The following GCAT variants were observed in gnomAD, a reference collection of about 807,000 sequenced individuals.
The protein encoded by GCAT is glycine C-acetyltransferase, also known as 2-amino-3-ketobutyrate coenzyme A ligase, mitochondrial.
In GCAT, 26 loss-of-function variants were observed where a neutral mutation model predicts 39.7. That is an observed-to-expected ratio of 0.65 (90% confidence interval 0.48 to 0.91). The LOEUF is 0.91. Ranked by LOEUF, GCAT falls within the 40% of genes least tolerant of loss-of-function variation. The pLI, the probability that GCAT is intolerant of heterozygous loss-of-function variation, is 0.00. For synonymous variants in GCAT, 218 were observed against 237.2 expected, an observed-to-expected ratio of 0.92 and a Z score of 0.74; for missense variants, 550 against 576.2, an observed-to-expected ratio of 0.95 and a Z score of 0.47.
At chr22:37,810,978 C>T (rs1921523692) in intron 2 of GCAT, among the ~76,000 whole-genome samples, 1 of 152,056 alleles carries the variant, frequency 6.6e-6, no homozygotes, top group South Asian at 2.1e-4. Context: ...CACACCTGAC[C>T]TTCTATAAGA....
In GCAT at chr22:37,815,750, C is replaced by G. The variant is rs1043427584; in HGVS notation, c.902C>G (p.Ala301Gly). ...PYLFSNSLPPAVVGCASKALD... is the reference protein window; with the variant it reads ...PYLFSNSLPPGVVGCASKALD... ...CTCTTCTCCAACAGTCTGCCACCTG[C>G]TGTCGTTGGCTGCGCCTCCAAGGCC... is the stretch of plus-strand genomic sequence containing the variant. The change falls in exon 7 of 9, where the codon GCT (alanine) becomes GGT (glycine). Residue 301 changes from alanine to glycine, a missense_variant. Physicochemically the swap from Ala to Gly is moderately conservative, Grantham distance 60 (BLOSUM62 0). This residue lies in a region of GCAT where 378 missense variants were observed against 390.4 expected (regional missense o/e 0.97). Coordinates refer to ENST00000248924, the MANE Select transcript of GCAT (RefSeq NM_014291.4). 6 of 1,613,588 alleles carry G rather than the reference C, an allele frequency of 3.7e-6. No homozygotes were observed. The African/African-American group carries it at 6.7e-5, about 18-fold the overall frequency.
Position 37,815,730 on chromosome 22 carries a change from C to T in GCAT, c.882C>T (p.Phe294=). 6.2e-7 allele frequency: 1 copy of T among 1,613,818 alleles called. No individual in the cohort carries two copies. Among genetic ancestry groups the T allele is most frequent in the Non-Finnish European group, 8.5e-7 (1 of 1,179,912 alleles). The change falls in exon 7 of 9, where the codon TTC becomes TTT. Residue 294 remains phenylalanine (F), a synonymous_variant. Coordinates refer to ENST00000248924, the MANE Select transcript of GCAT (RefSeq NM_014291.4). ...LLRQRARPYL[F]SNSLPPAVVG... ...GGCAGCGCGCCCGGCCATACCTCTT[C>T]TCCAACAGTCTGCCACCTGCTGTCG...
chr22:37,812,194 G>T (rs1207144664), intron 2 of GCAT, among the ~76,000 whole-genome samples: 2 of 151,906 alleles, frequency 1.3e-5, no homozygotes, highest in Non-Finnish European at 2.9e-5. Context: ...TTAATTAGCT[G>T]GGTGTGGTGG....
intron 1 of GCAT, among the ~76,000 whole-genome samples, chr22:37,809,288 G>A (rs1264706590): frequency 6.6e-6 from 1 of 152,180 alleles, no homozygotes; most frequent in Non-Finnish European, 1.5e-5. Flanking sequence ...GGTCAGCTGT[G>A]TTCACTCTGG....
Position 37,815,911 on chromosome 22 carries a change from C to G in GCAT, c.986+77C>G, listed in dbSNP as rs980340185. The G allele has an allele frequency of 1.3e-5, 20 of 1,543,240 alleles. No homozygotes were observed. In the African/African-American group the frequency reaches 1.8e-4, roughly 14 times the overall value. On this transcript the variant is annotated intron_variant, in intron 7 of 8. Transcript: ENST00000248924. ...AGCCTCATGTGTCTGCCCAGGCCCA[C>G]AGACAGCTCTGTGCCCACCGGGTCT... is the stretch of plus-strand genomic sequence containing the variant.
At chr22:37,813,091 G>A (rs961444796) in intron 3 of GCAT, 103 bp downstream of exon 3, 2 of 846,430 alleles carry the variant, frequency 2.4e-6, no homozygotes, top group East Asian at 2.5e-5. Flanking sequence ...TCAGTGCCAT[G>A]CCTAGAGGCT....
chr22:37,812,466 C>T (rs1423159684), intron 2 of GCAT, among the ~76,000 whole-genome samples: 1 of 152,158 alleles, frequency 6.6e-6, no homozygotes. Flanking sequence ...CAGTCACTTC[C>T]CAGCAAAGCC....
chr22:37,810,676 C>T (rs532673499), intron 2 of GCAT, among the ~76,000 whole-genome samples: 8 of 152,030 alleles, frequency 5.3e-5, no homozygotes, highest in Non-Finnish European at 8.8e-5. Context: ...CCACCACTCC[C>T]GGCTAATTTT....
At chr22:37,815,001 C>T in intron 4 of GCAT, 125 bp from the exon 5 acceptor site, 2 of 841,692 alleles carry the variant, frequency 2.4e-6, no homozygotes, top group Admixed American at 4.3e-5. Flanking sequence ...GATGGTGGTA[C>T]CTCTGTGCCC....
chr22:37,816,295 G>T lies in GCAT; in HGVS notation c.1082G>T (p.Arg361Leu), dbSNP rs113961840. The T allele has an allele frequency of 6.2e-7, 1 of 1,612,216 alleles. No homozygotes were observed. Residue 361 changes from arginine (R) to leucine (L), a missense_variant, in exon 8 of 9, where the codon CGC (arginine) becomes CTC (leucine). By Grantham distance (102) the Arg-to-Leu change is moderately radical (BLOSUM62 -2). Transcript: ENST00000248924. The stretch of plus-strand genomic sequence containing the variant: ...CTGGGTGATGCCCGGCTGGCCTCTC[G>T]CATGGCGGATGACATGCTGAAGAGA... ...VMLGDARLAS[R>L]MADDMLKRGI...
At chr22:37,809,900 T>C in intron 1 of GCAT, 127 bp from the exon 2 acceptor site, 1 of 1,230,466 alleles carries the variant, frequency 8.1e-7, no homozygotes, top group Non-Finnish European at 1.2e-6. Context: ...ATTTGGTGCC[T>C]CCTCAATGGT....
intron 2 of GCAT, among the ~76,000 whole-genome samples, chr22:37,812,511 T>C (rs1387562573): frequency 6.6e-6 from 1 of 152,190 alleles, no homozygotes; most frequent in African/African-American, 2.4e-5. Flanking sequence ...AATTTACAAA[T>C]TAGAGGCCCA....
chr22:37,815,598 G>A, intron 6 of GCAT, 65 bp from the exon 7 acceptor site: 1 of 1,487,724 alleles, frequency 6.7e-7, no homozygotes, highest in Non-Finnish European at 9.3e-7. Context: ...TGTACTTTCA[G>A]GAGGGGGTTG....
chr22:37,810,160 A>G lies in GCAT; in HGVS notation c.327+3A>G. On this transcript the variant is annotated splice_donor_region_variant and intron_variant, in intron 2 of 8. Transcript: ENST00000248924. ...TCCGCTTTATCTGTGGAACCCAGGTACACAGTGAGTGGTGGGGGGTTGTGG... is the reference window on the plus strand; with the variant it reads ...TCCGCTTTATCTGTGGAACCCAGGTGCACAGTGAGTGGTGGGGGGTTGTGG... 2 of 1,599,648 alleles carry G rather than the reference A, an allele frequency of 1.3e-6. No individual in the cohort carries two copies. Among genetic ancestry groups the G allele is most frequent in the Non-Finnish European group, 1.7e-6 (2 of 1,166,738 alleles).
chr22:37,810,512 A>ATTTTTTTTT (rs36110853), intron 2 of GCAT, among the ~76,000 whole-genome samples: 1 of 103,076 alleles, frequency 9.7e-6, no homozygotes, highest in Non-Finnish European at 1.8e-5. Context: ...CACCCAGCTA[A>ATTTTTTTTT]TTTTTTTTTT....
chr22:37,808,854 T>G (rs1257905714), intron 1 of GCAT, among the ~76,000 whole-genome samples: 1 of 152,086 alleles, frequency 6.6e-6, no homozygotes, highest in Non-Finnish European at 1.5e-5. Context: ...ACCCGGCTAA[T>G]TTTTGTATTT....
At chr22:37,808,433 G>A (rs543366075) in intron 1 of GCAT, among the ~76,000 whole-genome samples, 5 of 148,182 alleles carry the variant, frequency 3.4e-5, no homozygotes, top group Non-Finnish European at 5.9e-5. Flanking sequence ...GTGAACTCCT[G>A]CTAACTTCTA....
chr22:37,812,351 AAAAG>A (rs908568357), intron 2 of GCAT, among the ~76,000 whole-genome samples: 15 of 151,602 alleles, frequency 9.9e-5, no homozygotes, highest in Non-Finnish European at 1.6e-4. Context: ...TTTGCCAAAA[AAAAG>A]AAAGAGTCTG....
At chr22:37,811,302 G>T (rs762548513) in intron 2 of GCAT, among the ~76,000 whole-genome samples, 1 of 151,958 alleles carries the variant, frequency 6.6e-6, no homozygotes, top group Non-Finnish European at 1.5e-5. Flanking sequence ...GGCCAACATG[G>T]CGAAACCCTT....
Sources: allele counts gnomAD v4.1 joint callset (sites outside exome capture counted in the v4.1 genomes callset), GRCh38; gene constraint gnomAD v4.1.1; regional missense constraint gnomAD v4.1.1; transcripts MANE v1.5; gene names NCBI Gene and HGNC (gene_info 2026-07-23, HGNC 2026-07-21).